Variants in TMTC2 observed in about 807,000 individuals in gnomAD.
TMTC2 encodes transmembrane O-mannosyltransferase targeting cadherins 2.
A neutral mutation model predicts 82.4 loss-of-function variants in TMTC2; 43 were observed. The observed-to-expected ratio is 0.52, with a 90% CI of 0.41 to 0.67. The LOEUF (loss-of-function observed/expected upper bound fraction) is 0.67, where lower values mean the gene tolerates loss of function less well. TMTC2 is among the 30% of genes least tolerant of loss of function. The probability of loss-of-function intolerance (pLI) is 0.00; values close to 1 mark genes in which losing one functional copy is unlikely to be tolerated. For synonymous variants in TMTC2, 408 were observed against 381.9 expected (o/e 1.07, Z -0.80); for missense variants, 919 against 1,012.4 (o/e 0.91, Z 1.25).
intron 1 of TMTC2, among the ~76,000 whole-genome samples, chr12:82,813,334 G>A (rs745349506): frequency 1.3e-5 from 2 of 152,022 alleles, no homozygotes; most frequent in Non-Finnish European, 2.9e-5. Context: ...GTTAAGTCTT[G>A]TGAAGCCACA....
chr12:82,914,817 A>ATTT (rs71068958), intron 3 of TMTC2, among the ~76,000 whole-genome samples: 188 of 86,400 alleles, frequency 2.2e-3, no homozygotes, highest in Middle Eastern at 7.6e-3. Flanking sequence ...CAACTCACTT[A>ATTT]TTTTTTTTTT....
intron 1 of TMTC2, among the ~76,000 whole-genome samples, chr12:82,834,211 A>G (rs981534514): frequency 1.3e-5 from 2 of 152,242 alleles, no homozygotes; most frequent in Admixed American, 6.5e-5. Context: ...CAATTGTTAC[A>G]TGAATGTGGC....
At chr12:83,030,523 T>G (rs1881383658) in intron 8 of TMTC2, among the ~76,000 whole-genome samples, 1 of 152,284 alleles carries the variant, frequency 6.6e-6, no homozygotes, top group South Asian at 2.1e-4. Flanking sequence ...CCTTTTTTGT[T>G]TTTCAACCTT....
At chr12:82,927,299 G>A (rs1304337017) in intron 3 of TMTC2, among the ~76,000 whole-genome samples, 1 of 152,208 alleles carries the variant, frequency 6.6e-6, no homozygotes, top group African/African-American at 2.4e-5. Flanking sequence ...CTGCAGTGGA[G>A]GAACAAACTG....
At chr12:83,118,945 A>G (rs772598821) in intron 11 of TMTC2, among the ~76,000 whole-genome samples, 1 of 152,026 alleles carries the variant, frequency 6.6e-6, no homozygotes, top group African/African-American at 2.4e-5. Context: ...ATGTACATAA[A>G]CGTGTTCATA....
Position 82,773,462 on chromosome 12 carries a change from C to CCT in TMTC2, c.84-83548_84-83547insCT, listed in dbSNP as rs1555184194. 2.5e-4 allele frequency among the ~76,000 whole-genome samples: 33 copies of CCT among 129,830 alleles called. 1 individual carries two copies. The highest frequency in any genetic ancestry group is 4.0e-4 in the Non-Finnish European group (23 of 57,630). The allele number at this position is 129,830 out of a possible 152,430, so 85.2% of individuals were successfully genotyped here. ...CACAGCAAAATGAGAAGTGATATTT[C>CCT]TTTTTTTTTTTTTTTTGAGATGTAG... is the stretch of plus-strand genomic sequence containing the variant. On this transcript the variant is annotated intron_variant, in intron 1 of 11. Transcript: ENST00000321196.
At chr12:82,960,622 A>G (rs1877877980) in intron 4 of TMTC2, among the ~76,000 whole-genome samples, 1 of 151,898 alleles carries the variant, frequency 6.6e-6, no homozygotes, top group Non-Finnish European at 1.5e-5. Context: ...GGGGATTACT[A>G]AAGCAGAGAG....
intron 1 of TMTC2, among the ~76,000 whole-genome samples, chr12:82,787,299 T>C (rs1030102620): frequency 1.3e-5 from 2 of 152,144 alleles, no homozygotes; most frequent in Non-Finnish European, 2.9e-5. Flanking sequence ...CTGAATTCCA[T>C]TTTACATGTG....
intron 11 of TMTC2, among the ~76,000 whole-genome samples, chr12:83,069,521 T>G (rs1171584397): frequency 6.6e-6 from 1 of 152,212 alleles, no homozygotes. Context: ...ATTCATGTCC[T>G]TAGCCCATTT....
At chr12:83,075,408 C>T (rs1883254645) in intron 11 of TMTC2, among the ~76,000 whole-genome samples, 1 of 152,100 alleles carries the variant, frequency 6.6e-6, no homozygotes, top group African/African-American at 2.4e-5. Flanking sequence ...ATCTCTTGTC[C>T]ATCTGTATAT....
chr12:83,077,269 C>CG (rs1883311084), intron 11 of TMTC2, among the ~76,000 whole-genome samples: 1 of 152,136 alleles, frequency 6.6e-6, no homozygotes, highest in Non-Finnish European at 1.5e-5. Context: ...GAGTGGTGCC[C>CG]GTGCTATGCC....
At chr12:82,702,081 G>A (rs904030240) in intron 1 of TMTC2, among the ~76,000 whole-genome samples, 3 of 152,102 alleles carry the variant, frequency 2.0e-5, no homozygotes, top group Admixed American at 2.0e-4. Flanking sequence ...ATAACGATGG[G>A]GTTGGTTATA....
At chr12:82,861,592 G>A (rs767928220) in intron 2 of TMTC2, among the ~76,000 whole-genome samples, 58 of 152,158 alleles carry the variant, frequency 3.8e-4, no homozygotes, top group Non-Finnish European at 7.5e-4. Flanking sequence ...ATTTTATTTA[G>A]TATTTAATGA....
chr12:82,747,810 A>G (rs1229108157), intron 1 of TMTC2, among the ~76,000 whole-genome samples: 1 of 152,176 alleles, frequency 6.6e-6, no homozygotes, highest in Non-Finnish European at 1.5e-5. Flanking sequence ...GAGGATTAAT[A>G]TGATATTGTT....
chr12:82,884,918 G>T (rs921556915), intron 2 of TMTC2, among the ~76,000 whole-genome samples: 10 of 152,018 alleles, frequency 6.6e-5, no homozygotes, highest in African/African-American at 2.2e-4. Context: ...GATTGAGACA[G>T]GGTCTAGCTC....
intron 11 of TMTC2, among the ~76,000 whole-genome samples, chr12:83,083,903 T>C (rs1883559764): frequency 6.6e-6 from 1 of 152,212 alleles, no homozygotes; most frequent in Non-Finnish European, 1.5e-5. Context: ...CAAGGTTTAT[T>C]TCAAGGGGAA....
intron 11 of TMTC2, among the ~76,000 whole-genome samples, chr12:83,084,884 T>C (rs563828678): frequency 6.6e-6 from 1 of 152,342 alleles, no homozygotes; most frequent in African/African-American, 2.4e-5. Flanking sequence ...GAAATCTGAC[T>C]ATGGTGGAGG....
At chr12:83,071,551 A>G (rs1883115876) in intron 11 of TMTC2, among the ~76,000 whole-genome samples, 1 of 152,108 alleles carries the variant, frequency 6.6e-6, no homozygotes. Flanking sequence ...CCTGACTTGT[A>G]GAATAGTTTC....
intron 11 of TMTC2, among the ~76,000 whole-genome samples, chr12:83,092,758 C>T (rs1012661859): frequency 6.6e-6 from 1 of 152,154 alleles, no homozygotes; most frequent in African/African-American, 2.4e-5. Context: ...TTATCAGGCA[C>T]CCCTCTAGCA....
Sources: allele counts gnomAD v4.1 joint callset (sites outside exome capture counted in the v4.1 genomes callset), GRCh38; gene constraint gnomAD v4.1.1; transcripts MANE v1.5; gene names NCBI Gene and HGNC (gene_info 2026-07-23, HGNC 2026-07-21).